DCLK1: variants seen among roughly 807,000 people sequenced by gnomAD.
DCLK1 encodes the protein serine/threonine-protein kinase DCLK1.
In DCLK1, 16 loss-of-function variants were observed where a neutral mutation model predicts 86.2. The observed-to-expected ratio is 0.19, with a 90% confidence interval of 0.13 to 0.28. The LOEUF is 0.28. Among genes scored for constraint, DCLK1 ranks in the 10% least tolerant of loss-of-function variants. The pLI, the probability that DCLK1 is intolerant of heterozygous loss-of-function variation, is 1.00. For synonymous variants in DCLK1, 369 were observed against 370.5 expected (o/e 1.00, Z 0.05); for missense variants, 590 against 940.2 (o/e 0.63, Z 4.87).
intron 4 of DCLK1, among the ~76,000 whole-genome samples, chr13:35,881,555 T>C (rs2153116616): frequency 6.6e-6 from 1 of 152,308 alleles, no homozygotes; most frequent in Admixed American, 6.5e-5. Context: ...TTGTTCTCAT[T>C]TGGTTGGTCT....
chr13:35,799,188 C>A (rs1368793321), intron 15 of DCLK1, among the ~76,000 whole-genome samples: 1 of 152,096 alleles, frequency 6.6e-6, no homozygotes, highest in Non-Finnish European at 1.5e-5. Context: ...TGTCTGGGGG[C>A]AAAACCCAGG....
At chr13:35,793,665 C>T (rs117067436) in intron 15 of DCLK1, among the ~76,000 whole-genome samples, 186 bp from the exon 16 acceptor site, 1 of 152,090 alleles carries the variant, frequency 6.6e-6, no homozygotes, top group East Asian at 1.9e-4. Context: ...TTCATTTCCA[C>T]ATCTGCTCTA....
At chr13:35,825,905 C>T (rs1174802193) in intron 10 of DCLK1, among the ~76,000 whole-genome samples, 2 of 152,016 alleles carry the variant, frequency 1.3e-5, no homozygotes, top group South Asian at 2.1e-4. Context: ...CACCACCTCC[C>T]GGGTTCAAGC....
intron 16 of DCLK1, among the ~76,000 whole-genome samples, chr13:35,780,458 G>A (rs1165730903): frequency 6.6e-6 from 1 of 152,136 alleles, no homozygotes; most frequent in Non-Finnish European, 1.5e-5. Flanking sequence ...ATTATCACAG[G>A]TTAGAGGTAA....
intron 4 of DCLK1, among the ~76,000 whole-genome samples, chr13:35,946,126 T>A (rs1277920735): frequency 6.6e-6 from 1 of 152,104 alleles, no homozygotes; most frequent in Admixed American, 6.6e-5. Context: ...GATCTGTCTA[T>A]CTCAGCCTCC....
At chr13:35,988,524 T>A (rs2153143214) in intron 3 of DCLK1, among the ~76,000 whole-genome samples, 1 of 152,350 alleles carries the variant, frequency 6.6e-6, no homozygotes, top group East Asian at 1.9e-4. Flanking sequence ...CATTCAAATC[T>A]TACAGCTTAA....
intron 6 of DCLK1, among the ~76,000 whole-genome samples, chr13:35,845,059 C>G (rs1258823188): frequency 1.3e-5 from 2 of 152,076 alleles, no homozygotes; most frequent in African/African-American, 4.8e-5. Flanking sequence ...AACAGCCTGG[C>G]CAACATGGCG....
chr13:35,947,597 A>T (rs1226836641), intron 3 of DCLK1, 140 bp from the exon 4 acceptor site: 1 of 562,986 alleles, frequency 1.8e-6, no homozygotes, highest in Admixed American at 3.3e-5. Flanking sequence ...GAATTTCAAA[A>T]GAGGGGTTCG....
intron 3 of DCLK1, among the ~76,000 whole-genome samples, chr13:36,007,240 G>A (rs1364366385): frequency 6.6e-6 from 1 of 152,150 alleles, no homozygotes; most frequent in Non-Finnish European, 1.5e-5. Flanking sequence ...CTGAAATCAT[G>A]AAAATCAAAT....
At chr13:35,994,556 AT>A (rs545755296) in intron 3 of DCLK1, among the ~76,000 whole-genome samples, 4 of 152,136 alleles carry the variant, frequency 2.6e-5, no homozygotes, top group South Asian at 2.1e-4. Flanking sequence ...TATACTAAAA[AT>A]AAAAAAAAGG....
Position 35,967,229 on chromosome 13 carries a change from C to T in DCLK1, c.724-19772G>A, listed in dbSNP as rs150036115. Among the ~76,000 whole-genome samples the T allele has an allele frequency of 1.8e-3, 270 of 151,066 alleles. 6 individuals carry two copies. The East Asian group carries it at 0.048, about 27-fold the overall frequency. On this transcript the variant is annotated intron_variant, in intron 3 of 16. Transcript: ENST00000360631. The stretch of plus-strand genomic sequence containing the variant: ...GAACTGAGGAGCCCCTCTGCCCGGC[C>T]GCCGCCCCGTCTGGGAGGTTGGGGG...
intron 3 of DCLK1, among the ~76,000 whole-genome samples, chr13:36,048,127 A>G (rs2153156661): frequency 6.6e-6 from 1 of 152,282 alleles, no homozygotes; most frequent in South Asian, 2.1e-4. Flanking sequence ...GTTGTATATC[A>G]TAAGTATAAT....
At chr13:36,050,130 C>G (rs1281290316) in intron 3 of DCLK1, among the ~76,000 whole-genome samples, 1 of 152,166 alleles carries the variant, frequency 6.6e-6, no homozygotes, top group Non-Finnish European at 1.5e-5. Flanking sequence ...GTTTAAAGCA[C>G]TGTTAAACTT....
intron 3 of DCLK1, among the ~76,000 whole-genome samples, chr13:36,066,731 T>A (rs1183192623): frequency 3.3e-5 from 5 of 151,702 alleles, no homozygotes; most frequent in African/African-American, 1.2e-4. Flanking sequence ...AACAACCCCA[T>A]CAACAAGTGG....
intron 4 of DCLK1, among the ~76,000 whole-genome samples, chr13:35,900,658 C>A (rs1056822342): frequency 3.9e-5 from 6 of 152,146 alleles, no homozygotes; most frequent in African/African-American, 1.4e-4. Flanking sequence ...CTAGATAATT[C>A]TTTGTTTCGG....
At chr13:35,979,214 A>G (rs1481149560) in intron 3 of DCLK1, among the ~76,000 whole-genome samples, 4 of 152,232 alleles carry the variant, frequency 2.6e-5, no homozygotes, top group Admixed American at 6.5e-5. Flanking sequence ...GCAGTAGCCC[A>G]AGGGCTGTCA....
At chr13:35,845,307 A>C (rs935864313) in intron 6 of DCLK1, among the ~76,000 whole-genome samples, 3 of 152,088 alleles carry the variant, frequency 2.0e-5, no homozygotes, top group Non-Finnish European at 4.4e-5. Context: ...CCTCTTTAAC[A>C]TCCTTTTCTA....
At chr13:35,784,755 T>A (rs2086588708) in intron 16 of DCLK1, among the ~76,000 whole-genome samples, 2 of 151,946 alleles carry the variant, frequency 1.3e-5, no homozygotes, top group South Asian at 2.1e-4. Context: ...GGGGACAGCG[T>A]TCTCACTCTG....
intron 3 of DCLK1, among the ~76,000 whole-genome samples, chr13:35,987,029 T>C (rs1879951223): frequency 6.6e-6 from 1 of 152,150 alleles, no homozygotes; most frequent in South Asian, 2.1e-4. Context: ...TAATAATATT[T>C]TGTGTAGAAA....
Sources: gnomAD v4.1 joint callset for allele counts (sites outside exome capture counted in the v4.1 genomes callset) on GRCh38, gnomAD v4.1.1 for gene constraint, MANE v1.5 for transcripts, NCBI Gene and HGNC (gene_info 2026-07-23, HGNC 2026-07-21) for gene names.